FPR3: variants seen among roughly 807,000 people sequenced by gnomAD.
FPR3 encodes formyl peptide receptor 3.
For synonymous variants in FPR3, 135 were observed against 163.6 expected (o/e 0.83, Z 1.34); for missense variants, 346 against 443.2 (o/e 0.78, Z 1.97).
intron 1 of FPR3, among the ~76,000 whole-genome samples, chr19:51,807,687 G>A (rs1033637458): frequency 6.6e-6 from 1 of 152,222 alleles, no homozygotes; most frequent in African/African-American, 2.4e-5. Flanking sequence ...CAGGAAGAAT[G>A]AAAGAATGGA....
intron 1 of FPR3, among the ~76,000 whole-genome samples, chr19:51,810,621 G>A (rs2084089808): frequency 6.6e-6 from 1 of 152,094 alleles, no homozygotes; most frequent in African/African-American, 2.4e-5. Context: ...TGTTTAGCCT[G>A]GTCTGCACAC....
At chr19:51,797,299 G>A (rs1342956562) in intron 1 of FPR3, among the ~76,000 whole-genome samples, 2 of 145,422 alleles carry the variant, frequency 1.4e-5, no homozygotes, top group East Asian at 2.1e-4. Context: ...GGAAGAATTA[G>A]AGACATTCTC....
At chr19:51,801,340 G>T (rs8111274) in intron 1 of FPR3, among the ~76,000 whole-genome samples, 47,639 of 151,604 alleles carry the variant, frequency 0.31, 7,729 homozygotes, top group Admixed American at 0.43. Context: ...ACATAATATA[G>T]AACCAAATTG....
rs577061320 is a variant in FPR3, at chr19:51,805,811, C to T, written c.-11+10480C>T. On this transcript the variant is annotated intron_variant, in intron 1 of 1. Transcript: ENST00000339223. ...CCAAGGAAACGATAGCAAAAATTAT[C>T]ATGCCTAAGGCTCTACGGGCACAAT... 1.2e-4 allele frequency among the ~76,000 whole-genome samples: 18 copies of T among 152,276 alleles called. 1 individual carries two copies. The South Asian group carries it at 3.5e-3, about 30-fold the overall frequency.
At chr19:51,802,537 T>C (rs1431348569) in intron 1 of FPR3, among the ~76,000 whole-genome samples, 1 of 152,170 alleles carries the variant, frequency 6.6e-6, no homozygotes, top group African/African-American at 2.4e-5. Flanking sequence ...ATTGTGGGTG[T>C]CATTTCTAAT....
At chr19:51,811,046 A>T (rs1363969944) in intron 1 of FPR3, among the ~76,000 whole-genome samples, 1 of 152,106 alleles carries the variant, frequency 6.6e-6, no homozygotes, top group African/African-American at 2.4e-5. Context: ...TTTTATTTTC[A>T]TCTGGAGCTG....
At chr19:51,805,701 C>T (rs539672530) in intron 1 of FPR3, among the ~76,000 whole-genome samples, 26 of 152,144 alleles carry the variant, frequency 1.7e-4, no homozygotes, top group Admixed American at 5.9e-4. Context: ...GTTGGCTGTA[C>T]GTGTCCAATT....
intron 1 of FPR3, chr19:51,804,883 G>GT (rs1465196301): frequency 2.0e-5 from 3 of 152,198 alleles, no homozygotes; most frequent in African/African-American, 7.2e-5. Context: ...ACGGCCCTCT[G>GT]TATTTATTAG....
chr19:51,824,142 TG>T lies in FPR3; in HGVS notation c.397del (p.Ala133ProfsTer7). On this transcript the variant is annotated frameshift_variant, in exon 2 of 2. Transcript: ENST00000339223. LOFTEE classifies it low-confidence loss of function (END_TRUNC). The surrounding 1 kb of genome is among the most constrained non-coding windows in gnomAD (Gnocchi z 4.7). ...CTGTATTTGTGTCCTGCATCCAGCC[TG>T]GGCCCAGAACCATCGCACCATGAGT... ...DRCICVLHPA[W>X]AQNHRTMSLA... The T allele has an allele frequency of 6.2e-7, 1 of 1,614,038 alleles. No individual in the cohort carries two copies. The highest frequency in any genetic ancestry group is 8.5e-7 in the Non-Finnish European group (1 of 1,179,944).
At chr19:51,820,118 G>C (rs1599839954) in intron 1 of FPR3, among the ~76,000 whole-genome samples, 1 of 152,210 alleles carries the variant, frequency 6.6e-6, no homozygotes, top group South Asian at 2.1e-4. Flanking sequence ...GCTGAGAGTG[G>C]AATAGTAGAG....
In FPR3 at chr19:51,811,131, A is replaced by G. The variant is rs151099570; in HGVS notation, c.-10-12608A>G. ...CACAGAATAATAAGGAGATAATGGC[A>G]GAAGTACAGTATGAACTAAACTCCA... On this transcript the variant is annotated intron_variant, in intron 1 of 1. Transcript: ENST00000339223. 5.9e-3 allele frequency among the ~76,000 whole-genome samples: 904 copies of G among 152,336 alleles called. 9 individuals carry two copies. Among genetic ancestry groups the G allele is most frequent in the African/African-American group, 0.019 (809 of 41,574 alleles).
chr19:51,818,142 T>C (rs547928569), intron 1 of FPR3, among the ~76,000 whole-genome samples: 2 of 152,206 alleles, frequency 1.3e-5, no homozygotes, highest in Non-Finnish European at 2.9e-5. Context: ...TTGCTATTTT[T>C]CTCATTTAAC....
At chr19:51,812,376 C>T (rs2084103485) in intron 1 of FPR3, among the ~76,000 whole-genome samples, 1 of 152,192 alleles carries the variant, frequency 6.6e-6, no homozygotes, top group Non-Finnish European at 1.5e-5. Context: ...AAAAATATCA[C>T]AAAGAATGTC....
rs186688705 is a variant in FPR3, at chr19:51,801,503, G to A, written c.-11+6172G>A. On this transcript the variant is annotated intron_variant, in intron 1 of 1. Coordinates refer to ENST00000339223, the MANE Select transcript of FPR3 (RefSeq NM_002030.5). ...AACTTAACTTCTAACATTAGCGGCC[G>A]GACGCGGTGGCTCACGCCCGTAATC... 2.3e-3 allele frequency among the ~76,000 whole-genome samples: 351 copies of A among 152,264 alleles called. 3 individuals are homozygous for A. Among genetic ancestry groups the A allele is most frequent in the African/African-American group, 7.9e-3 (329 of 41,542 alleles).
chr19:51,805,566 C>G (rs2084052921), intron 1 of FPR3, among the ~76,000 whole-genome samples: 1 of 152,236 alleles, frequency 6.6e-6, no homozygotes, highest in African/African-American at 2.4e-5. Flanking sequence ...ATTAAAATGA[C>G]AGCGCAATTG....
At chr19:51,799,549 C>G (rs905598257) in intron 1 of FPR3, among the ~76,000 whole-genome samples, 1 of 152,216 alleles carries the variant, frequency 6.6e-6, no homozygotes, top group African/African-American at 2.4e-5. Flanking sequence ...ATCAGACAGC[C>G]CAGTCGGTCT....
At chr19:51,821,699 T>C (rs1240611431) in intron 1 of FPR3, among the ~76,000 whole-genome samples, 1 of 151,992 alleles carries the variant, frequency 6.6e-6, no homozygotes, top group African/African-American at 2.4e-5. Flanking sequence ...ATTTTAGAGT[T>C]GCAACGGTAG....
chr19:51,825,491 C>T lies in FPR3; in HGVS notation c.*681C>T, dbSNP rs2084226369. ...AGAAAGGCAAGGGAAGATTAGAGTC[C>T]TGCTTTGGGGTAGATGAAAGGAAAG... On this transcript the variant is annotated 3_prime_UTR_variant, in exon 2 of 2. Coordinates refer to ENST00000339223, the MANE Select transcript of FPR3 (RefSeq NM_002030.5). 6.0e-6 allele frequency: 1 copy of T among 167,034 alleles called. No individual in the cohort carries two copies. The highest frequency in any genetic ancestry group is 2.1e-4 in the South Asian group (1 of 4,826). 10.3% of individuals were successfully genotyped at this position (167,034 alleles called of 1,614,324 possible).
chr19:51,810,480 T>A (rs758765532), intron 1 of FPR3, among the ~76,000 whole-genome samples: 2 of 152,122 alleles, frequency 1.3e-5, no homozygotes, highest in Non-Finnish European at 2.9e-5. Context: ...GCGGCCCAGG[T>A]GCATTTAACA....
Sources: gnomAD v4.1 joint callset for allele counts (sites outside exome capture counted in the v4.1 genomes callset) on GRCh38, gnomAD v4.1.1 for gene constraint, Gnocchi (gnomAD v3.1) non-coding constraint, MANE v1.5 for transcripts, NCBI Gene and HGNC (gene_info 2026-07-23, HGNC 2026-07-21) for gene names.